The following COL25A1 variants were observed in gnomAD, a reference collection of about 807,000 sequenced individuals.
COL25A1 encodes collagen alpha-1(XXV) chain.
A neutral mutation model predicts 128.4 loss-of-function variants in COL25A1; 103 were observed. The observed-to-expected ratio is 0.80, with a 90% CI of 0.68 to 0.94. The LOEUF (loss-of-function observed/expected upper bound fraction) is 0.94, where lower values mean the gene tolerates loss of function less well. COL25A1 is among the 40% of genes least tolerant of loss of function. COL25A1 has a pLI of 0.00. For synonymous variants in COL25A1, 279 were observed against 277.2 expected (o/e 1.01, Z -0.06); for missense variants, 745 against 840.0 (o/e 0.89, Z 1.40).
chr4:109,170,032 G>C (rs931918646), intron 3 of COL25A1, among the ~76,000 whole-genome samples: 2 of 151,880 alleles, frequency 1.3e-5, no homozygotes, highest in Non-Finnish European at 2.9e-5. Context: ...ATATTAAAAG[G>C]TTTGGTGTTT....
chr4:109,211,290 C>CTATATA (rs753994624), intron 3 of COL25A1, among the ~76,000 whole-genome samples: 2,112 of 101,456 alleles, frequency 0.021, 107 homozygotes, highest in East Asian at 0.037. Flanking sequence ...ATATATGAAA[C>CTATATA]TATATATATA....
chr4:109,271,440 A>G (rs917536007), intron 3 of COL25A1, among the ~76,000 whole-genome samples: 1 of 152,256 alleles, frequency 6.6e-6, no homozygotes, highest in South Asian at 2.1e-4. Flanking sequence ...TTCCCTTGGT[A>G]AAATAAATTA....
rs149313905 is a variant in COL25A1, at chr4:109,159,315, T to C, written c.368-109136A>G. On this transcript the variant is annotated intron_variant, in intron 3 of 37. Transcript: ENST00000399132. ...AAATTACTTAAGTGGGTAACTGGGT[T>C]ACGATCTAACCTAATGTTCACTATG... 4.2e-3 allele frequency among the ~76,000 whole-genome samples: 638 copies of C among 152,210 alleles called. 3 individuals are homozygous for C. Among genetic ancestry groups the C allele is most frequent in the Non-Finnish European group, 6.0e-3 (406 of 68,024 alleles).
intron 5 of COL25A1, among the ~76,000 whole-genome samples, chr4:109,012,901 G>A (rs1329553061): frequency 6.6e-6 from 1 of 152,236 alleles, no homozygotes; most frequent in African/African-American, 2.4e-5. Flanking sequence ...AGCAGCCCTG[G>A]TGCGATCCAC....
At chr4:109,057,988 C>A (rs566948926) in intron 3 of COL25A1, among the ~76,000 whole-genome samples, 1 of 152,108 alleles carries the variant, frequency 6.6e-6, no homozygotes, top group Non-Finnish European at 1.5e-5. Context: ...CTGAGTGCAA[C>A]GTTTTCTGGG....
rs144791286 is a variant in COL25A1, at chr4:109,082,700, C to T, written c.368-32521G>A. Reference sequence around the variant, plus strand: ...TTATATTCTAGATACGCATGCCTTGCGGGATATATGATTTGCAAATATCTT... The same window carrying T: ...TTATATTCTAGATACGCATGCCTTGTGGGATATATGATTTGCAAATATCTT... On this transcript the variant is annotated intron_variant, in intron 3 of 37. Transcript: ENST00000399132. Among the ~76,000 whole-genome samples, 761 of 152,196 alleles carry T rather than the reference C, an allele frequency of 5.0e-3. 6 individuals carry two copies. The Middle Eastern group carries it at 0.088, about 18-fold the overall frequency.
At chr4:109,072,700 C>A (rs1275239787) in intron 3 of COL25A1, among the ~76,000 whole-genome samples, 1 of 152,162 alleles carries the variant, frequency 6.6e-6, no homozygotes, top group Non-Finnish European at 1.5e-5. Flanking sequence ...TTTCTGAAAC[C>A]TTTTGAAGGC....
At chr4:109,295,127 C>T (rs186256206) in intron 3 of COL25A1, among the ~76,000 whole-genome samples, 1 of 152,040 alleles carries the variant, frequency 6.6e-6, no homozygotes, top group Admixed American at 6.6e-5. Context: ...TTAAGTAATT[C>T]CCAGCTCATG....
rs1427649582 is a variant in COL25A1, at chr4:108,810,920, A to G, written c.*3007T>C. 6.6e-6 allele frequency: 1 copy of G among 152,096 alleles called. No individual in the cohort carries two copies. Among genetic ancestry groups the G allele is most frequent in the Non-Finnish European group, 1.5e-5 (1 of 67,928 alleles). The allele number at this position is 152,096 out of a possible 1,614,324, so 9.4% of individuals were successfully genotyped here. ...CATAGAGAAAAAGGAAAAGAGATAC[A>G]TTAGCACCAACCAACATAAATGAAA... On this transcript the variant is annotated 3_prime_UTR_variant, in exon 38 of 38. Coordinates refer to ENST00000399132, the MANE Select transcript of COL25A1 (RefSeq NM_198721.4).
chr4:109,020,002 T>G (rs984267101), intron 5 of COL25A1, among the ~76,000 whole-genome samples: 7 of 152,168 alleles, frequency 4.6e-5, no homozygotes, highest in African/African-American at 1.7e-4. Context: ...TTAAAATAGG[T>G]TATATATCTG....
chr4:108,958,883 C>T (rs1750361007), intron 8 of COL25A1, among the ~76,000 whole-genome samples: 1 of 151,962 alleles, frequency 6.6e-6, no homozygotes, highest in South Asian at 2.1e-4. Context: ...TTCTACACTA[C>T]CACAGACTGA....
At chr4:108,955,412 T>C (rs28707328) in intron 8 of COL25A1, among the ~76,000 whole-genome samples, 6,617 of 152,166 alleles carry the variant, frequency 0.043, 365 homozygotes, top group African/African-American at 0.13. Flanking sequence ...AAGGGAAATG[T>C]GAGTCAACTT....
chr4:109,276,888 A>G (rs1722904900), intron 3 of COL25A1, among the ~76,000 whole-genome samples: 1 of 152,142 alleles, frequency 6.6e-6, no homozygotes, highest in South Asian at 2.1e-4. Flanking sequence ...AGCCCACCAC[A>G]CACTGGAAGA....
chr4:109,266,985 T>A (rs564710723), intron 3 of COL25A1, among the ~76,000 whole-genome samples: 9 of 152,286 alleles, frequency 5.9e-5, no homozygotes, highest in African/African-American at 2.2e-4. Flanking sequence ...ATTAAGAGAA[T>A]AAGCACTCAG....
At chr4:109,163,425 A>G (rs1772770198) in intron 3 of COL25A1, among the ~76,000 whole-genome samples, 1 of 152,170 alleles carries the variant, frequency 6.6e-6, no homozygotes, top group South Asian at 2.1e-4. Context: ...TTTGGCCTAT[A>G]TGACTAGAGA....
chr4:109,114,436 A>C (rs374573729), intron 3 of COL25A1, among the ~76,000 whole-genome samples: 1 of 152,070 alleles, frequency 6.6e-6, no homozygotes, highest in African/African-American at 2.4e-5. Context: ...AGAATCAAAA[A>C]GAGCCTTCTC....
chr4:109,250,847 C>T (rs1048966842), intron 3 of COL25A1, among the ~76,000 whole-genome samples: 10 of 152,178 alleles, frequency 6.6e-5, no homozygotes, highest in Non-Finnish European at 1.2e-4. Flanking sequence ...ATCACAAGTT[C>T]ACCCTTGTTA....
chr4:109,252,753 G>A (rs866176161), intron 3 of COL25A1, among the ~76,000 whole-genome samples: 1 of 152,162 alleles, frequency 6.6e-6, no homozygotes, highest in African/African-American at 2.4e-5. Flanking sequence ...TTTACAACCA[G>A]GTGCACAGCT....
intron 3 of COL25A1, among the ~76,000 whole-genome samples, chr4:109,218,356 G>GTTTTT (rs796441649): frequency 2.0e-5 from 2 of 100,462 alleles, no homozygotes; most frequent in East Asian, 3.4e-4. Context: ...GGTTTTTTGG[G>GTTTTT]GTTTTTTTTT....
Sources: allele counts gnomAD v4.1 joint callset (sites outside exome capture counted in the v4.1 genomes callset), GRCh38; gene constraint gnomAD v4.1.1; transcripts MANE v1.5; gene names NCBI Gene and HGNC (gene_info 2026-07-23, HGNC 2026-07-21).